The following CCDC178 variants were observed in gnomAD, a reference collection of about 807,000 sequenced individuals.
The protein encoded by CCDC178 is coiled-coil domain-containing protein 178.
CCDC178 carries 126 observed loss-of-function variants against 117.4 expected under a neutral mutation model. That is an observed-to-expected ratio of 1.07 (90% CI 0.93 to 1.24). The LOEUF (loss-of-function observed/expected upper bound fraction) is 1.24, where lower values mean the gene tolerates loss of function less well. CCDC178 is among the 50% of genes most tolerant of loss of function. The probability of loss-of-function intolerance (pLI) is 0.00; values close to 1 mark genes in which losing one functional copy is unlikely to be tolerated. For missense variants in CCDC178, 1,030 were observed against 986.9 expected, an observed-to-expected ratio of 1.04 and a Z score of -0.59; for synonymous variants, 283 against 313.4, an observed-to-expected ratio of 0.90 and a Z score of 1.02.
At chr18:33,142,417 G>A (rs2144304566) in intron 20 of CCDC178, among the ~76,000 whole-genome samples, 1 of 152,226 alleles carries the variant, frequency 6.6e-6, no homozygotes, top group Non-Finnish European at 1.5e-5. Context: ...GAACAATACA[G>A]TATCATGATA....
intron 21 of CCDC178, among the ~76,000 whole-genome samples, chr18:33,088,779 G>T (rs935119804): frequency 2.0e-5 from 3 of 151,926 alleles, no homozygotes; most frequent in African/African-American, 7.3e-5. Flanking sequence ...CTCAGCTATT[G>T]GTCCAGTCAA....
At chr18:33,139,757 A>C (rs1365708400) in intron 20 of CCDC178, among the ~76,000 whole-genome samples, 3 of 152,218 alleles carry the variant, frequency 2.0e-5, no homozygotes, top group Non-Finnish European at 4.4e-5. Context: ...CGATGCAAAA[A>C]GAAAAACCCA....
At chr18:33,310,309 G>A (rs1393181015) in intron 11 of CCDC178, among the ~76,000 whole-genome samples, 7 of 152,126 alleles carry the variant, frequency 4.6e-5, no homozygotes, top group South Asian at 2.1e-4. Flanking sequence ...AGGTCCACAC[G>A]TGTAGATGGC....
At chr18:33,333,096 T>G in intron 10 of CCDC178, 78 bp downstream of exon 10, 15 of 758,464 alleles carry the variant, frequency 2.0e-5, no homozygotes, top group Non-Finnish European at 2.8e-5. Context: ...TTTAAAGCTG[T>G]GTTAATTTCT....
chr18:33,077,308 T>C (rs558675805), intron 21 of CCDC178, among the ~76,000 whole-genome samples: 1 of 152,266 alleles, frequency 6.6e-6, no homozygotes, highest in South Asian at 2.1e-4. Flanking sequence ...ACAAAGTACC[T>C]GTTATAAGCT....
chr18:33,068,834 A>G (rs529843496), intron 21 of CCDC178, among the ~76,000 whole-genome samples: 36 of 152,180 alleles, frequency 2.4e-4, no homozygotes, highest in Non-Finnish European at 4.0e-4. Context: ...ATCAGGCAAC[A>G]TAAATAAATA....
At chr18:33,070,447 A>G (rs969830385) in intron 21 of CCDC178, among the ~76,000 whole-genome samples, 5 of 152,214 alleles carry the variant, frequency 3.3e-5, no homozygotes, top group East Asian at 1.9e-4. Context: ...GTTCTTACTC[A>G]TATGTGGGAG....
chr18:33,170,311 G>A (rs766554334), intron 20 of CCDC178, among the ~76,000 whole-genome samples: 2 of 151,952 alleles, frequency 1.3e-5, no homozygotes, highest in Non-Finnish European at 2.9e-5. Flanking sequence ...AAGCATAAAT[G>A]TTTCTGTTTT....
At chr18:33,415,874 A>G (rs182431167) in intron 2 of CCDC178, among the ~76,000 whole-genome samples, 6 of 152,326 alleles carry the variant, frequency 3.9e-5, no homozygotes, top group East Asian at 3.9e-4. Context: ...TGAAAGGTGT[A>G]GAGAAGAAGG....
chr18:33,365,986 T>C (rs2063200079), intron 6 of CCDC178, among the ~76,000 whole-genome samples: 1 of 152,082 alleles, frequency 6.6e-6, no homozygotes, highest in Admixed American at 6.6e-5. Context: ...GAGATTCAAA[T>C]TGCACTTAAA....
chr18:33,376,326 C>T (rs1235056549), intron 5 of CCDC178, among the ~76,000 whole-genome samples: 2 of 152,134 alleles, frequency 1.3e-5, no homozygotes, highest in Non-Finnish European at 2.9e-5. Flanking sequence ...TTGCCCTGCT[C>T]ATACCTGAGA....
At chr18:33,208,402 A>G (rs1404324646) in intron 20 of CCDC178, among the ~76,000 whole-genome samples, 5 of 152,068 alleles carry the variant, frequency 3.3e-5, no homozygotes, top group African/African-American at 9.7e-5. Flanking sequence ...ATTTTTTTAG[A>G]ACAGTGGATA....
chr18:33,135,160 T>C (rs1226329387), intron 20 of CCDC178, among the ~76,000 whole-genome samples: 3 of 152,122 alleles, frequency 2.0e-5, no homozygotes, highest in Non-Finnish European at 4.4e-5. Context: ...GTTTAAAATA[T>C]TTATTAATTT....
chr18:33,381,976 T>A (rs916682004), intron 5 of CCDC178, among the ~76,000 whole-genome samples: 1 of 152,170 alleles, frequency 6.6e-6, no homozygotes, highest in Non-Finnish European at 1.5e-5. Context: ...GTATCTTGAA[T>A]TAATTGGTTC....
chr18:33,173,171 T>C (rs564995272), intron 20 of CCDC178, among the ~76,000 whole-genome samples: 47 of 152,250 alleles, frequency 3.1e-4, no homozygotes, highest in South Asian at 2.5e-3. Context: ...CACCTCAGCC[T>C]CTTGAGTAGC....
At chr18:33,167,407 C>T (rs1283450443) in intron 20 of CCDC178, among the ~76,000 whole-genome samples, 1 of 152,144 alleles carries the variant, frequency 6.6e-6, no homozygotes, top group Non-Finnish European at 1.5e-5. Flanking sequence ...CCCTTTTCTC[C>T]ACAACCTCAC....
At chr18:33,027,097 G>T (rs1456270402) in intron 21 of CCDC178, among the ~76,000 whole-genome samples, 4 of 151,742 alleles carry the variant, frequency 2.6e-5, no homozygotes, top group African/African-American at 7.2e-5. Flanking sequence ...AACGCAGAAA[G>T]AAATAATCAT....
At chr18:33,381,543 C>G (rs1015965822) in intron 5 of CCDC178, among the ~76,000 whole-genome samples, 3 of 152,210 alleles carry the variant, frequency 2.0e-5, no homozygotes, top group African/African-American at 7.2e-5. Flanking sequence ...ATCTATGCTT[C>G]CTAAATCTTG....
intron 21 of CCDC178, among the ~76,000 whole-genome samples, chr18:33,062,638 C>A (rs1343749031): frequency 6.6e-6 from 1 of 152,110 alleles, no homozygotes; most frequent in Admixed American, 6.5e-5. Flanking sequence ...AGGGAGAGCC[C>A]CTCAGCCCAT....
Sources: gnomAD v4.1 joint callset for allele counts (sites outside exome capture counted in the v4.1 genomes callset) on GRCh38, gnomAD v4.1.1 for gene constraint, MANE v1.5 for transcripts, NCBI Gene and HGNC (gene_info 2026-07-23, HGNC 2026-07-21) for gene names.